The following MACF1 variants were observed in gnomAD, a reference collection of about 807,000 sequenced individuals.
MACF1 encodes the protein microtubule actin crosslinking factor 1.
MACF1 carries 193 observed loss-of-function variants against 854.8 expected under a neutral mutation model. That is an observed-to-expected ratio of 0.23 (90% CI 0.20 to 0.25). MACF1 has a LOEUF of 0.25. Among genes scored for constraint, MACF1 ranks in the 10% least tolerant of loss-of-function variants. MACF1 has a pLI of 1.00. For missense variants in MACF1, 7,722 were observed against 8,929.1 expected (o/e 0.86, Z 5.45); for synonymous variants, 3,185 against 3,226.7 (o/e 0.99, Z 0.44).
chr1:39,376,816 C>T (rs1309794589), intron 52 of MACF1, among the ~76,000 whole-genome samples: 4 of 151,868 alleles, frequency 2.6e-5, no homozygotes, highest in African/African-American at 9.7e-5. Context: ...CCTAGGCCCA[C>T]GCAATCAGCC....
intron 51 of MACF1, among the ~76,000 whole-genome samples, chr1:39,370,611 G>GTC (rs1354688518): frequency 2.0e-5 from 3 of 152,142 alleles, no homozygotes; most frequent in African/African-American, 7.2e-5. Context: ...TCTAACCTAT[G>GTC]TCTTCCTTTT....
intron 44 of MACF1, 85 bp from the exon 45 acceptor site, chr1:39,357,290 A>G: frequency 5.2e-5 from 72 of 1,390,824 alleles, no homozygotes; most frequent in Middle Eastern, 1.9e-4. Flanking sequence ...CCTCACATGG[A>G]GTATGAAGTC....
intron 58 of MACF1, chr1:39,413,097 T>G: frequency 6.2e-7 from 1 of 1,603,416 alleles, no homozygotes; most frequent in South Asian, 1.1e-5. Context: ...CACAGGAGGG[T>G]ATGTCAGCTG....
intron 2 of MACF1, among the ~76,000 whole-genome samples, chr1:39,180,016 A>G (rs1349837971): frequency 6.6e-6 from 1 of 151,730 alleles, no homozygotes; most frequent in Non-Finnish European, 1.5e-5. Context: ...CTCTGTTTCA[A>G]AAATGAAATT....
At chr1:39,168,452 G>T (rs2148217613) in intron 2 of MACF1, among the ~76,000 whole-genome samples, 1 of 152,276 alleles carries the variant, frequency 6.6e-6, no homozygotes, top group South Asian at 2.1e-4. Context: ...GAAGAACATG[G>T]GCTTTGGATC....
At chr1:39,180,121 T>A (rs955608621) in intron 2 of MACF1, among the ~76,000 whole-genome samples, 5 of 152,102 alleles carry the variant, frequency 3.3e-5, no homozygotes, top group African/African-American at 1.2e-4. Flanking sequence ...ATCACCCTCC[T>A]CAAAGCTGCT....
At chr1:39,369,956 G>A in intron 50 of MACF1, 74 bp from the exon 51 acceptor site, 1 of 1,374,616 alleles carries the variant, frequency 7.3e-7, no homozygotes, top group East Asian at 2.3e-5. Flanking sequence ...TGGAGTCACA[G>A]AATGAACTAC....
At chr1:39,351,814 C>T (rs1647193380) in intron 43 of MACF1, among the ~76,000 whole-genome samples, 1 of 152,036 alleles carries the variant, frequency 6.6e-6, no homozygotes, top group Admixed American at 6.6e-5. Context: ...TCTCAAACTC[C>T]TGACCTCAAG....
chr1:39,248,042 A>G (rs569529768), intron 2 of MACF1, among the ~76,000 whole-genome samples: 3 of 152,310 alleles, frequency 2.0e-5, no homozygotes, highest in African/African-American at 7.2e-5. Context: ...ATATTCTTTC[A>G]GTTTTTAAAG....
At chr1:39,255,299 G>A (rs55984302) in intron 5 of MACF1, among the ~76,000 whole-genome samples, 4,698 of 152,170 alleles carry the variant, frequency 0.031, 234 homozygotes, top group African/African-American at 0.11. Flanking sequence ...AAAAAGAAAA[G>A]AAAAATACCT....
intron 2 of MACF1, among the ~76,000 whole-genome samples, chr1:39,137,045 A>T (rs1407662614): frequency 6.6e-6 from 1 of 152,120 alleles, no homozygotes; most frequent in Non-Finnish European, 1.5e-5. Context: ...GACTTTTTTC[A>T]AAGTTTGTTA....
chr1:39,262,169 A>C (rs980089118), intron 6 of MACF1, among the ~76,000 whole-genome samples: 10 of 152,152 alleles, frequency 6.6e-5, no homozygotes, highest in African/African-American at 2.2e-4. Flanking sequence ...CGGGAGGCCT[A>C]GGTGGGCAGA....
chr1:39,322,680 C>T lies in MACF1; in HGVS notation c.4102C>T (p.Arg1368Cys), dbSNP rs371011730. 9.3e-6 allele frequency: 15 copies of T among 1,614,024 alleles called. No homozygotes were observed. Among genetic ancestry groups the T allele is most frequent in the African/African-American group, 8.0e-5 (6 of 74,908 alleles). ...SQQKSPGKRR[R>C]MLSSSDAITQ... ...GCAGAAATCCCCTGGCAAGCGCCGT[C>T]GCATGCTTTCCTCTTCAGATGCCAT... The change falls in exon 32 of 101, where the codon CGC becomes TGC. Residue 1368 changes from arginine (R) to cysteine (C), a missense_variant. Physicochemically the swap from Arg to Cys is radical, Grantham distance 180. This residue lies in a region of MACF1 where 1,137 missense variants were observed against 1,263.0 expected (regional missense o/e 0.90). Transcript: ENST00000564288.
At chr1:39,180,393 A>G (rs1306325803) in intron 2 of MACF1, among the ~76,000 whole-genome samples, 3 of 152,120 alleles carry the variant, frequency 2.0e-5, no homozygotes, top group African/African-American at 7.2e-5. Flanking sequence ...AGGCAGGTGG[A>G]TCACTTGGGG....
chr1:39,446,071 A>G (rs1644223656), intron 80 of MACF1, among the ~76,000 whole-genome samples: 1 of 152,258 alleles, frequency 6.6e-6, no homozygotes, highest in East Asian at 1.9e-4. Context: ...AGAAATTTTC[A>G]GAGAGTTTTC....
At position 39,284,113 on chromosome 1, in the gene MACF1, C is replaced by G; in HGVS notation, c.963C>G (p.Leu321=). 1.2e-6 allele frequency: 2 copies of G among 1,614,044 alleles called. No homozygotes were observed. Among genetic ancestry groups the G allele is most frequent in the Non-Finnish European group, 1.7e-6 (2 of 1,179,940 alleles). ...WQEYQSRVDS[L]IPWIKQHTIL... is the part of the protein sequence containing the mutation. Reference sequence around the variant, plus strand: ...AATACCAAAGCCGAGTGGACTCCCTCATTCCCTGGATCAAACAGCATACAA... The same window carrying G: ...AATACCAAAGCCGAGTGGACTCCCTGATTCCCTGGATCAAACAGCATACAA... The change falls in exon 10 of 101, where the codon CTC becomes CTG. Residue 321 remains leucine (L), a synonymous_variant. Transcript: ENST00000564288.
At chr1:39,477,077 A>ACACTTATTG (rs1183082119) in intron 97 of MACF1, among the ~76,000 whole-genome samples, 1 of 19,224 alleles carries the variant, frequency 5.2e-5, no homozygotes, top group East Asian at 1.9e-3. Flanking sequence ...ATATATATAT[A>ACACTTATTG]TATATATATA....
intron 47 of MACF1, among the ~76,000 whole-genome samples, chr1:39,360,014 T>A (rs12739094): frequency 0.049 from 1,084 of 22,276 alleles, 23 homozygotes; most frequent in Admixed American, 0.057. Flanking sequence ...AAAAAAAAAA[T>A]ATATATATAT....
At chr1:39,317,154 G>C in intron 28 of MACF1, 60 bp from the exon 29 acceptor site, 1 of 1,534,410 alleles carries the variant, frequency 6.5e-7, no homozygotes, top group Non-Finnish European at 8.9e-7. Context: ...TCCCACCTTA[G>C]ACTGACTCCT....
Sources: gnomAD v4.1 joint callset for allele counts (sites outside exome capture counted in the v4.1 genomes callset) on GRCh38, gnomAD v4.1.1 for gene constraint, gnomAD v4.1.1 regional missense constraint, MANE v1.5 for transcripts, NCBI Gene and HGNC (gene_info 2026-07-23, HGNC 2026-07-21) for gene names.